The following LRRC37A2 variants were observed in gnomAD, a reference collection of about 807,000 sequenced individuals.
LRRC37A2 encodes leucine rich repeat containing 37 member A2, also known as leucine-rich repeat-containing protein 37A2.
A neutral mutation model predicts 68.8 loss-of-function variants in LRRC37A2; 9 were observed. The observed-to-expected ratio is 0.13, with a 90% CI of 0.08 to 0.23. LRRC37A2 has a LOEUF of 0.23. Ranked by LOEUF, LRRC37A2 falls within the 10% of genes least tolerant of loss-of-function variation. LRRC37A2 has a pLI of 1.00. For synonymous variants in LRRC37A2, 63 were observed against 367.6 expected, an observed-to-expected ratio of 0.17 and a Z score of 9.48; for missense variants, 168 against 950.4, an observed-to-expected ratio of 0.18 and a Z score of 10.82.
At chr17:46,714,250 A>G in the LRRC37A2 span, among the ~76,000 whole-genome samples, 2 of 152,188 alleles carry the variant, frequency 1.3e-5, no homozygotes, top group African/African-American at 4.8e-5. Flanking sequence ...TTTTGTATCA[A>G]TTTGATTAAA....
At chr17:46,989,226 G>T in the LRRC37A2 span, among the ~76,000 whole-genome samples, 6 of 152,304 alleles carry the variant, frequency 3.9e-5, no homozygotes, top group South Asian at 8.3e-4. Context: ...CTGCTTCAGG[G>T]TCTGTGAAGG....
At chr17:46,575,514 C>T in the LRRC37A2 span, among the ~76,000 whole-genome samples, 2 of 133,818 alleles carry the variant, frequency 1.5e-5, no homozygotes, top group African/African-American at 5.5e-5. Flanking sequence ...CAGCTCCCAC[C>T]TCAGCCTTCT....
chr17:47,017,172 G>A, the LRRC37A2 span: 76 of 1,606,816 alleles, frequency 4.7e-5, no homozygotes, highest in South Asian at 4.9e-4. Context: ...CAAGGGGCAC[G>A]AGTGTCTCGG....
chr17:46,714,668 T>TC, the LRRC37A2 span, among the ~76,000 whole-genome samples: 17 of 152,234 alleles, frequency 1.1e-4, no homozygotes, highest in African/African-American at 3.4e-4. Flanking sequence ...TGATGAAGAC[T>TC]TTAAATGGCT....
At chr17:47,018,251 T>A in the LRRC37A2 span, 1 of 1,611,496 alleles carries the variant, frequency 6.2e-7, no homozygotes, top group Non-Finnish European at 8.5e-7. Flanking sequence ...CTATGGAGCA[T>A]GAACTTTCCA....
chr17:46,924,208 G>A, the LRRC37A2 span: 1 of 211,988 alleles, frequency 4.7e-6, no homozygotes, highest in Non-Finnish European at 9.3e-6. Context: ...TATAAGTGGA[G>A]TCATACAGAA....
the LRRC37A2 span, chr17:47,018,621 G>C: frequency 6.6e-7 from 1 of 1,520,514 alleles, no homozygotes; most frequent in Non-Finnish European, 9.1e-7. Flanking sequence ...AGTTCAACAG[G>C]AGACTTCATT....
the LRRC37A2 span, among the ~76,000 whole-genome samples, chr17:46,494,812 C>CT: frequency 6.3e-4 from 95 of 150,736 alleles, no homozygotes; most frequent in Admixed American, 2.0e-3. Context: ...GATGTTTATC[C>CT]TTTTTTTTGT....
At chr17:46,900,162 CATATACATATATATATATATAT>C in the LRRC37A2 span, among the ~76,000 whole-genome samples, 88 of 101,146 alleles carry the variant, frequency 8.7e-4, 2 homozygotes, top group African/African-American at 3.8e-3. Context: ...TATATATATA[CATATACATATATATATATATAT>C]ATATATATAT....
At chr17:46,835,958 C>T in the LRRC37A2 span, among the ~76,000 whole-genome samples, 16 of 152,322 alleles carry the variant, frequency 1.1e-4, no homozygotes, top group Middle Eastern at 3.4e-3. Flanking sequence ...GAGGTGAGAT[C>T]CTGCCTCTGG....
At chr17:47,019,969 AG>A in the LRRC37A2 span, among the ~76,000 whole-genome samples, 1 of 149,264 alleles carries the variant, frequency 6.7e-6, no homozygotes, top group African/African-American at 2.5e-5. Context: ...CTTTAATGTT[AG>A]GCCCCTTCTC....
chr17:46,796,235 T>A, the LRRC37A2 span, among the ~76,000 whole-genome samples: 1 of 152,214 alleles, frequency 6.6e-6, no homozygotes, highest in Non-Finnish European at 1.5e-5. Context: ...ATTGAAATGA[T>A]GTAGATAAAG....
At chr17:46,928,752 C>G in the LRRC37A2 span, among the ~76,000 whole-genome samples, 1 of 152,180 alleles carries the variant, frequency 6.6e-6, no homozygotes, top group African/African-American at 2.4e-5. Context: ...CAACCCGATT[C>G]CCTTTCAAGC....
At chr17:46,642,278 A>G in the LRRC37A2 span, among the ~76,000 whole-genome samples, 1 of 111,728 alleles carries the variant, frequency 9.0e-6, no homozygotes, top group Non-Finnish European at 1.9e-5. Context: ...AGAATGATCA[A>G]ATCAGCCTAA....
At chr17:46,938,469 T>C in the LRRC37A2 span, 141,896 of 1,419,880 alleles carry the variant, frequency 0.1, 8,036 homozygotes, top group African/African-American at 0.12. Flanking sequence ...CTGGCTGATA[T>C]TGCTTTCTGT....
the LRRC37A2 span, chr17:46,773,697 A>T: frequency 1.5e-6 from 2 of 1,354,320 alleles, no homozygotes; most frequent in Admixed American, 4.1e-5. Context: ...AAAGATGGCC[A>T]GGCTGTCATC....
At chr17:46,837,098 A>G in the LRRC37A2 span, among the ~76,000 whole-genome samples, 1 of 152,080 alleles carries the variant, frequency 6.6e-6, no homozygotes, top group East Asian at 1.9e-4. Flanking sequence ...ACTCGCCACC[A>G]TGCTAGGCTA....
At chr17:46,896,143 A>T in the LRRC37A2 span, among the ~76,000 whole-genome samples, 1 of 151,650 alleles carries the variant, frequency 6.6e-6, no homozygotes, top group Non-Finnish European at 1.5e-5. Flanking sequence ...AAACAAAAAA[A>T]ATTAGCTGGG....
At chr17:46,833,471 C>T in the LRRC37A2 span, 9 of 489,924 alleles carry the variant, frequency 1.8e-5, no homozygotes, top group East Asian at 5.3e-4. Flanking sequence ...GACAGCCAAC[C>T]CACCCCGACT....
Sources: allele counts gnomAD v4.1 joint callset (sites outside exome capture counted in the v4.1 genomes callset), GRCh38; gene constraint gnomAD v4.1.1; transcripts MANE v1.5; gene names NCBI Gene and HGNC (gene_info 2026-07-23, HGNC 2026-07-21).